The following DMD variants were observed in gnomAD, a reference collection of about 807,000 sequenced individuals.
DMD encodes the protein mutant dystrophin.
DMD carries 63 observed loss-of-function variants against 330.1 expected under a neutral mutation model. That is an observed-to-expected ratio of 0.19 (90% CI 0.16 to 0.24). The LOEUF (loss-of-function observed/expected upper bound fraction) is 0.24, where lower values mean the gene tolerates loss of function less well. Among genes scored for constraint, DMD ranks in the 10% least tolerant of loss-of-function variants. DMD has a pLI of 1.00. For missense variants in DMD, 3,344 were observed against 2,684.1 expected (o/e 1.25, Z -5.43); for synonymous variants, 1,223 against 959.8 (o/e 1.27, Z -5.07).
chrX:32,382,121 G>A (rs781260114), intron 33 of DMD, among the ~76,000 whole-genome samples: 1 of 111,296 alleles, frequency 9.0e-6, no homozygotes, highest in Non-Finnish European at 1.9e-5. Context: ...ATAAAAAACT[G>A]TGCCTGAATG....
intron 44 of DMD, among the ~76,000 whole-genome samples, chrX:32,148,422 T>C (rs1476364140): frequency 9.0e-6 from 1 of 111,678 alleles, no homozygotes; most frequent in Non-Finnish European, 1.9e-5. Flanking sequence ...ATTGTTGTTT[T>C]GTTAGTTAGT....
chrX:31,637,391 T>C (rs1160964841), intron 54 of DMD, among the ~76,000 whole-genome samples: 1 of 112,045 alleles, frequency 8.9e-6, no homozygotes, highest in East Asian at 2.8e-4. Flanking sequence ...TTAAAATTTA[T>C]AAAGAACAGT....
chrX:32,716,552 T>G (rs1395530083), intron 7 of DMD, among the ~76,000 whole-genome samples: 1 of 111,325 alleles, frequency 9.0e-6, no homozygotes. Context: ...AAAGGACTAA[T>G]ACAGAAAATT....
chrX:32,485,578 A>T lies in DMD; in HGVS notation c.2623-479T>A, dbSNP rs771345276. Among the ~76,000 whole-genome samples the T allele has an allele frequency of 1.5e-4, 16 of 108,958 alleles. No individual in the cohort carries two copies. The South Asian group carries it at 6.3e-3, about 43-fold the overall frequency. 94.6% of individuals were successfully genotyped at this position (108,958 alleles called of 115,157 possible). A position where few individuals can be genotyped will look rare whatever the true frequency, so the allele number is the denominator to read the frequency against. On this transcript the variant is annotated intron_variant, in intron 20 of 78. Coordinates refer to ENST00000357033, the MANE Select transcript of DMD (RefSeq NM_004006.3). ...ATATGTGTATACTATAATTATAAATATATTTTGATACAATTATATAGATTA... is the reference window on the plus strand; with the variant it reads ...ATATGTGTATACTATAATTATAAATTTATTTTGATACAATTATATAGATTA...
intron 78 of DMD, 93 bp downstream of exon 78, chrX:31,126,549 G>A (rs916005840): frequency 4.7e-5 from 35 of 745,122 alleles, no homozygotes; most frequent in South Asian, 1.1e-4. Flanking sequence ...ACACACATGC[G>A]CGTGCACACA....
intron 44 of DMD, among the ~76,000 whole-genome samples, chrX:32,003,551 C>G (rs952052579): frequency 9.0e-6 from 1 of 111,075 alleles, no homozygotes; most frequent in Non-Finnish European, 1.9e-5. Context: ...TATGGGGACT[C>G]TTAGAGCTAT....
intron 12 of DMD, among the ~76,000 whole-genome samples, chrX:32,601,873 A>G (rs1164176550): frequency 8.9e-6 from 1 of 112,219 alleles, no homozygotes; most frequent in African/African-American, 3.2e-5. Context: ...AATTCCAAAA[A>G]TATTAGCATC....
Position 32,123,244 on chromosome X carries a change from A to AT in DMD, c.6438+93671_6438+93672insA, listed in dbSNP as rs1569544914. Reference sequence around the variant, plus strand: ...ATATATATATATATATATATATATAAATGATCAAAATTGATGCTAATGAAA... The same window carrying AT: ...ATATATATATATATATATATATATAATATGATCAAAATTGATGCTAATGAAA... On this transcript the variant is annotated intron_variant, in intron 44 of 78. Coordinates refer to ENST00000357033, the MANE Select transcript of DMD (RefSeq NM_004006.3). Among the ~76,000 whole-genome samples the AT allele has an allele frequency of 2.4e-3, 103 of 42,693 alleles. 2 individuals carry two copies. The highest frequency in any genetic ancestry group is 0.01 in the African/African-American group (100 of 9,659). 37.1% of individuals were successfully genotyped at this position (42,693 alleles called of 115,157 possible). A position where few individuals can be genotyped will look rare whatever the true frequency, so the allele number is the denominator to read the frequency against.
intron 59 of DMD, among the ~76,000 whole-genome samples, chrX:31,445,079 T>C (rs1292720426): frequency 8.9e-6 from 1 of 111,887 alleles, no homozygotes; most frequent in South Asian, 3.7e-4. Flanking sequence ...ATTTCTATTA[T>C]AGCAGCTGGA....
chrX:31,414,768 T>A (rs894355759), intron 60 of DMD, among the ~76,000 whole-genome samples: 1 of 112,228 alleles, frequency 8.9e-6, no homozygotes, highest in Non-Finnish European at 1.9e-5. Flanking sequence ...GGAATTTTAA[T>A]GGGATTTCTA....
chrX:32,993,648 A>C (rs962536799), intron 2 of DMD, among the ~76,000 whole-genome samples: 1 of 110,865 alleles, frequency 9.0e-6, no homozygotes, highest in African/African-American at 3.3e-5. Flanking sequence ...TAAAATTATT[A>C]AAGTGTGGCT....
At chrX:31,680,707 C>T (rs1259876371) in intron 52 of DMD, among the ~76,000 whole-genome samples, 2 of 111,126 alleles carry the variant, frequency 1.8e-5, no homozygotes, top group Middle Eastern at 4.7e-3. Context: ...TAAGAATTCA[C>T]GCTGGGTGCA....
chrX:31,337,031 C>A (rs1285209297), intron 61 of DMD, among the ~76,000 whole-genome samples: 2 of 107,538 alleles, frequency 1.9e-5, no homozygotes, highest in Non-Finnish European at 3.8e-5. Flanking sequence ...TCAAGCGATT[C>A]TCCTGCCTCA....
intron 1 of DMD, among the ~76,000 whole-genome samples, chrX:33,107,606 T>C (rs1183985653): frequency 9.0e-6 from 1 of 111,236 alleles, no homozygotes; most frequent in Non-Finnish European, 1.9e-5. Context: ...CCATATTGAC[T>C]ATGAATTTAT....
intron 1 of DMD, among the ~76,000 whole-genome samples, chrX:33,159,777 T>C (rs1447403395): frequency 8.9e-6 from 1 of 111,928 alleles, no homozygotes; most frequent in Non-Finnish European, 1.9e-5. Flanking sequence ...GTAGAATGAT[T>C]TATAATCCTT....
intron 44 of DMD, among the ~76,000 whole-genome samples, chrX:32,129,757 A>T (rs927445881): frequency 3.9e-5 from 4 of 102,875 alleles, no homozygotes; most frequent in African/African-American, 1.4e-4. Context: ...GAGAGAGAGA[A>T]AATTGGTAAT....
intron 7 of DMD, among the ~76,000 whole-genome samples, chrX:32,780,934 A>T (rs1036679116): frequency 3.3e-5 from 3 of 90,607 alleles, no homozygotes; most frequent in Admixed American, 2.2e-4. Flanking sequence ...TACTAAAAAT[A>T]AAAAAAAAAT....
intron 2 of DMD, among the ~76,000 whole-genome samples, chrX:32,895,060 A>C (rs1298835282): frequency 8.9e-6 from 1 of 112,286 alleles, no homozygotes; most frequent in Non-Finnish European, 1.9e-5. Context: ...GTGTCCTCAC[A>C]TGGCAAAGCA....
chrX:33,331,860 C>A (rs913431438), intron 1 of DMD, among the ~76,000 whole-genome samples: 2 of 111,268 alleles, frequency 1.8e-5, no homozygotes, highest in African/African-American at 6.5e-5. Context: ...TTTTTGGAAG[C>A]CAGTCATGTT....
Sources: gnomAD v4.1 joint callset for allele counts (sites outside exome capture counted in the v4.1 genomes callset) on GRCh38, gnomAD v4.1.1 for gene constraint, MANE v1.5 for transcripts, NCBI Gene and HGNC (gene_info 2026-07-23, HGNC 2026-07-21) for gene names.